Variants in WWC2 observed in about 807,000 individuals in gnomAD.
WWC2 encodes WW and C2 domain containing 2.
In WWC2, 101 loss-of-function variants were observed where a neutral mutation model predicts 138.5. That is an observed-to-expected ratio of 0.73 (90% confidence interval 0.62 to 0.86). WWC2 has a LOEUF of 0.86. Ranked by LOEUF, WWC2 falls within the 40% of genes least tolerant of loss-of-function variation. The pLI is 0.00. For synonymous variants in WWC2, 558 were observed against 538.4 expected, an observed-to-expected ratio of 1.04 and a Z score of -0.50; for missense variants, 1,420 against 1,419.4, an observed-to-expected ratio of 1.00 and a Z score of -0.01.
At chr4:183,276,209 A>G (rs1737852047) in intron 16 of WWC2, among the ~76,000 whole-genome samples, 1 of 152,028 alleles carries the variant, frequency 6.6e-6, no homozygotes, top group Non-Finnish European at 1.5e-5. Context: ...CTGAGATATT[A>G]TATTTAAAGT....
chr4:183,130,666 CT>C (rs1732898877), intron 1 of WWC2, among the ~76,000 whole-genome samples: 1 of 152,200 alleles, frequency 6.6e-6, no homozygotes, highest in South Asian at 2.1e-4. Flanking sequence ...GGTATCTTAG[CT>C]GGATCTGAGC....
At chr4:183,158,138 C>A (rs1041813667) in intron 1 of WWC2, among the ~76,000 whole-genome samples, 3 of 152,106 alleles carry the variant, frequency 2.0e-5, no homozygotes, top group Non-Finnish European at 4.4e-5. Flanking sequence ...TCTGTATACT[C>A]TTGTTCCTGT....
At chr4:183,131,859 G>A (rs2111072943) in intron 1 of WWC2, among the ~76,000 whole-genome samples, 1 of 152,220 alleles carries the variant, frequency 6.6e-6, no homozygotes, top group Admixed American at 6.5e-5. Flanking sequence ...TGGGTTATAG[G>A]ATGAGACCAA....
At chr4:183,177,944 A>G (rs908902143) in intron 1 of WWC2, among the ~76,000 whole-genome samples, 1 of 152,182 alleles carries the variant, frequency 6.6e-6, no homozygotes, top group Non-Finnish European at 1.5e-5. Context: ...GGACCCTGCA[A>G]GATCACTGAG....
chr4:183,307,312 T>C (rs1418637548), intron 21 of WWC2, among the ~76,000 whole-genome samples: 3 of 152,224 alleles, frequency 2.0e-5, no homozygotes, highest in African/African-American at 4.8e-5. Flanking sequence ...TCAAAATTTG[T>C]AGGATTTTGG....
chr4:183,259,851 C>A, intron 10 of WWC2, 123 bp downstream of exon 10: 2 of 733,092 alleles, frequency 2.7e-6, no homozygotes, highest in South Asian at 3.5e-5. Context: ...AGCACAGTTA[C>A]TGTTTGAGTG....
At chr4:183,156,380 G>GGCTGTA (rs1251208021) in intron 1 of WWC2, among the ~76,000 whole-genome samples, 7 of 147,108 alleles carry the variant, frequency 4.8e-5, no homozygotes, top group African/African-American at 1.8e-4. Context: ...CTGTTGCTCA[G>GGCTGTA]GCTGTAGTGC....
At chr4:183,287,490 C>T (rs935386805) in intron 20 of WWC2, among the ~76,000 whole-genome samples, 2 of 152,032 alleles carry the variant, frequency 1.3e-5, no homozygotes, top group African/African-American at 2.4e-5. Context: ...AGTTGAGAAA[C>T]GGTTAGGTTA....
chr4:183,307,568 A>G (rs932020034), intron 21 of WWC2, among the ~76,000 whole-genome samples: 2 of 152,230 alleles, frequency 1.3e-5, no homozygotes, highest in African/African-American at 4.8e-5. Flanking sequence ...ATATCCAACT[A>G]TATAGAAAAA....
intron 1 of WWC2, among the ~76,000 whole-genome samples, chr4:183,112,496 C>G (rs1301321835): frequency 6.6e-6 from 1 of 152,204 alleles, no homozygotes; most frequent in East Asian, 1.9e-4. Flanking sequence ...TAATTTGTCC[C>G]CAGCTTACTT....
intron 21 of WWC2, among the ~76,000 whole-genome samples, chr4:183,302,228 C>CA (rs766980647): frequency 6.6e-6 from 1 of 152,178 alleles, no homozygotes; most frequent in Non-Finnish European, 1.5e-5. Context: ...GAACCATAGT[C>CA]AAAGATCTTG....
intron 1 of WWC2, among the ~76,000 whole-genome samples, chr4:183,138,844 A>AT (rs1424804036): frequency 7.9e-5 from 12 of 152,174 alleles, no homozygotes; most frequent in African/African-American, 2.9e-4. Context: ...TTGGTCTGGC[A>AT]TCTAGTCCTT....
At chr4:183,298,579 C>G (rs1002879826) in intron 21 of WWC2, among the ~76,000 whole-genome samples, 1 of 152,188 alleles carries the variant, frequency 6.6e-6, no homozygotes, top group African/African-American at 2.4e-5. Context: ...CTTCTTTCTT[C>G]TTCCCATCAG....
chr4:183,235,644 A>T (rs1215214776), intron 4 of WWC2, among the ~76,000 whole-genome samples: 1 of 152,166 alleles, frequency 6.6e-6, no homozygotes, highest in Admixed American at 6.5e-5. Flanking sequence ...GTTCATTCAT[A>T]TTGTCACATA....
intron 1 of WWC2, among the ~76,000 whole-genome samples, chr4:183,111,662 G>C (rs1458628370): frequency 6.7e-6 from 1 of 150,040 alleles, no homozygotes; most frequent in Non-Finnish European, 1.5e-5. Context: ...ATCAGTGTTT[G>C]AGTTTGATAA....
intron 16 of WWC2, among the ~76,000 whole-genome samples, chr4:183,273,505 T>C (rs887155248): frequency 3.9e-5 from 6 of 152,200 alleles, no homozygotes; most frequent in Non-Finnish European, 5.9e-5. Context: ...GGTTTCTCCA[T>C]GTTGGTCAGG....
intron 1 of WWC2, among the ~76,000 whole-genome samples, chr4:183,149,480 G>A (rs996709573): frequency 1.6e-4 from 24 of 152,070 alleles, no homozygotes; most frequent in Admixed American, 1.3e-3. Flanking sequence ...AAATTAGCCA[G>A]GTGTGGTGGT....
intron 21 of WWC2, 138 bp from the exon 22 acceptor site, chr4:183,312,203 T>C (rs1480006294): frequency 2.8e-5 from 32 of 1,146,930 alleles, no homozygotes; most frequent in Non-Finnish European, 3.7e-5. Flanking sequence ...TGATGGGTGA[T>C]AAAAAGGACA....
intron 1 of WWC2, among the ~76,000 whole-genome samples, chr4:183,141,157 C>G (rs1733288563): frequency 6.6e-6 from 1 of 152,202 alleles, no homozygotes; most frequent in Non-Finnish European, 1.5e-5. Context: ...ATACCACTGA[C>G]TGAATGGCTT....
Sources: gnomAD v4.1 joint callset for allele counts (sites outside exome capture counted in the v4.1 genomes callset) on GRCh38, gnomAD v4.1.1 for gene constraint, MANE v1.5 for transcripts, NCBI Gene and HGNC (gene_info 2026-07-23, HGNC 2026-07-21) for gene names.